Variants in TMEM131L observed in about 807,000 individuals in gnomAD.
The protein encoded by TMEM131L is transmembrane 131 like, also known as transmembrane protein 131-like.
Under a neutral mutation model 192.2 loss-of-function variants are expected in TMEM131L, and 54 were observed. That is an observed-to-expected ratio of 0.28 (90% CI 0.23 to 0.35). The LOEUF (loss-of-function observed/expected upper bound fraction) is 0.35, where lower values mean the gene tolerates loss of function less well. Among genes scored for constraint, TMEM131L ranks in the 10% least tolerant of loss-of-function variants. The pLI is 1.00. For synonymous variants in TMEM131L, 701 were observed against 704.9 expected, an observed-to-expected ratio of 0.99 and a Z score of 0.09; for missense variants, 1,888 against 1,972.9, an observed-to-expected ratio of 0.96 and a Z score of 0.82.
rs77678699 is a variant in TMEM131L at position 153,630,741 on chromosome 4, C to T, written c.4208-1977C>T. ...TCCTTCCAGGAAGCCTACTGTGTGC[C>T]CGTTGTGTGATGCTGGAAGTGTTGC... On this transcript the variant is annotated intron_variant, in intron 31 of 34. Transcript: ENST00000409959. 1.8e-4 allele frequency among the ~76,000 whole-genome samples: 27 copies of T among 152,262 alleles called. No homozygotes were observed. The East Asian group carries it at 3.7e-3, about 21-fold the overall frequency.
At chr4:153,482,391 G>A (rs115072519) in intron 3 of TMEM131L, among the ~76,000 whole-genome samples, 2,932 of 152,038 alleles carry the variant, frequency 0.019, 54 homozygotes, top group South Asian at 0.069. Flanking sequence ...TTTTAAACAG[G>A]GTTCTTGGTA....
At chr4:153,579,102 T>C (rs1244926200) in intron 7 of TMEM131L, among the ~76,000 whole-genome samples, 1 of 152,216 alleles carries the variant, frequency 6.6e-6, no homozygotes, top group Non-Finnish European at 1.5e-5. Flanking sequence ...GGTGCACACC[T>C]GTAATCCTAG....
intron 3 of TMEM131L, among the ~76,000 whole-genome samples, chr4:153,513,355 T>G (rs60777192): frequency 0.079 from 12,072 of 152,238 alleles, 1,258 homozygotes; most frequent in African/African-American, 0.25. Flanking sequence ...CTATTCTGAT[T>G]TATTTTGGAC....
At chr4:153,558,187 G>A (rs1728611032) in intron 6 of TMEM131L, 71 bp from the exon 7 acceptor site, 3 of 737,378 alleles carry the variant, frequency 4.1e-6, no homozygotes, top group East Asian at 5.0e-5. Context: ...CTTTGGAGAC[G>A]TGCTTTAGCA....
chr4:153,585,424 C>T lies in TMEM131L; in HGVS notation c.1158-34C>T, dbSNP rs775508500. 1.9e-6 allele frequency: 3 copies of T among 1,609,188 alleles called. No individual in the cohort carries two copies. The South Asian group carries it at 3.3e-5, about 18-fold the overall frequency. ...AGAGGGCTGACTGTTGTCCCACACT[C>T]AGGCCTGATAGCATGCATGTCGTCT... is the stretch of plus-strand genomic sequence containing the variant. On this transcript the variant is annotated intron_variant, in intron 12 of 34. Coordinates refer to ENST00000409959, the MANE Select transcript of TMEM131L (RefSeq NM_001131007.2).
intron 26 of TMEM131L, among the ~76,000 whole-genome samples, chr4:153,617,550 A>G (rs1219537750): frequency 2.6e-5 from 4 of 152,216 alleles, no homozygotes; most frequent in African/African-American, 9.6e-5. Context: ...TACTAGGGAA[A>G]GGTGAGCATT....
chr4:153,568,303 C>T (rs1729357926), intron 7 of TMEM131L, among the ~76,000 whole-genome samples: 1 of 152,178 alleles, frequency 6.6e-6, no homozygotes, highest in Non-Finnish European at 1.5e-5. Context: ...ACTTTTGTTT[C>T]AGACTCAGTG....
chr4:153,562,040 A>AT (rs1403740130), intron 7 of TMEM131L, among the ~76,000 whole-genome samples: 5 of 149,462 alleles, frequency 3.3e-5, no homozygotes, highest in African/African-American at 1.3e-4. Context: ...ATAAATTTTA[A>AT]ATTTTTTTTT....
chr4:153,617,752 C>T (rs1733092327), intron 26 of TMEM131L, among the ~76,000 whole-genome samples: 1 of 152,088 alleles, frequency 6.6e-6, no homozygotes, highest in African/African-American at 2.4e-5. Context: ...ATCATAAACA[C>T]ATTTGTGTTT....
At chr4:153,625,980 AT>A (rs1459159880) in intron 29 of TMEM131L, among the ~76,000 whole-genome samples, 166 bp from the exon 30 acceptor site, 2 of 152,268 alleles carry the variant, frequency 1.3e-5, no homozygotes, top group Admixed American at 6.5e-5. Context: ...TTGTAGTATA[AT>A]TGCACGATTC....
intron 3 of TMEM131L, among the ~76,000 whole-genome samples, chr4:153,479,579 G>C (rs951251000): frequency 1.3e-5 from 2 of 152,016 alleles, no homozygotes; most frequent in Non-Finnish European, 2.9e-5. Context: ...AGTATATTCA[G>C]GTTTTAAAAT....
intron 7 of TMEM131L, chr4:153,558,898 A>T (rs192261212): frequency 9.2e-5 from 14 of 152,288 alleles, no homozygotes; most frequent in African/African-American, 3.4e-4. Context: ...GATAAGTTTA[A>T]ATTCTTTTAA....
At chr4:153,566,463 C>A (rs541693467) in intron 7 of TMEM131L, among the ~76,000 whole-genome samples, 3 of 151,940 alleles carry the variant, frequency 2.0e-5, no homozygotes, top group Non-Finnish European at 4.4e-5. Flanking sequence ...TAGAGGAAAA[C>A]CCTGACACAG....
At chr4:153,540,131 CAAAA>C (rs66469233) in intron 3 of TMEM131L, among the ~76,000 whole-genome samples, 4 of 145,712 alleles carry the variant, frequency 2.7e-5, no homozygotes, top group South Asian at 2.2e-4. Context: ...AACAAAAAAA[CAAAA>C]AAAAAAACCC....
intron 2 of TMEM131L, among the ~76,000 whole-genome samples, chr4:153,469,610 A>G (rs1484461739): frequency 6.6e-6 from 1 of 152,154 alleles, no homozygotes; most frequent in East Asian, 1.9e-4. Context: ...TAGATGAAAT[A>G]GGAACTTTAG....
rs1292790576 is a variant in TMEM131L at position 153,558,310 on chromosome 4, TACC to T, written c.604_606del (p.Pro202del). ...TCTACAGAAGGGTCTGCAAAGCAGC[TACC>T]AAATGCTTATTTTCTGCTTCCAAAG... On this transcript the variant is annotated inframe_deletion, in exon 7 of 35. Coordinates refer to ENST00000409959, the MANE Select transcript of TMEM131L (RefSeq NM_001131007.2). 1 of 1,609,550 alleles carries T rather than the reference TACC, an allele frequency of 6.2e-7. No individual in the cohort carries two copies. The highest frequency in any genetic ancestry group is 2.2e-5 in the East Asian group (1 of 44,844).
At chr4:153,592,447 G>A in intron 17 of TMEM131L, 28 bp from the exon 18 acceptor site, 4 of 1,524,912 alleles carry the variant, frequency 2.6e-6, no homozygotes, top group Non-Finnish European at 3.6e-6. Flanking sequence ...CCCTCTCGGG[G>A]TTTTAACTTT....
rs145731757 is a variant in TMEM131L at position 153,584,905 on chromosome 4, A to G, written c.1131A>G (p.Ala377=). Residue 377 remains alanine, a synonymous_variant, in exon 12 of 35, where the codon GCA becomes GCG. Transcript: ENST00000409959. ...KKTTHTPTLK[A]CLFSSVAQGY... ...CAACACACACTCCAACACTAAAAGC[A>G]TGCCTCTTCTCTTCTGTGGCTCAGG... 7 of 1,613,936 alleles carry G rather than the reference A, an allele frequency of 4.3e-6. No individual in the cohort carries two copies. The highest frequency in any genetic ancestry group is 5.9e-6 in the Non-Finnish European group (7 of 1,179,792).
rs371878872 is a variant in TMEM131L at position 153,636,438 on chromosome 4, A to G, written c.4695A>G (p.Gln1565=). Residue 1565 remains glutamine (Q), a synonymous_variant, in exon 35 of 35, where the codon CAA becomes CAG. Transcript: ENST00000409959. ...AACATTCGACCCACATGGAAAACCAAGCGGTCGTGTGCAAGGAATACTACC... is the reference window on the plus strand; with the variant it reads ...AACATTCGACCCACATGGAAAACCAGGCGGTCGTGTGCAAGGAATACTACC... ...TTEHSTHMEN[Q]AVVCKEYYPG... The G allele has an allele frequency of 5.7e-5, 92 of 1,614,178 alleles. No homozygotes were observed. In the African/African-American group the frequency reaches 1.2e-3, roughly 20 times the overall value.
Sources: allele counts gnomAD v4.1 joint callset (sites outside exome capture counted in the v4.1 genomes callset), GRCh38; gene constraint gnomAD v4.1.1; transcripts MANE v1.5; gene names NCBI Gene and HGNC (gene_info 2026-07-23, HGNC 2026-07-21).